Variants in HPCAL1 observed in about 807,000 individuals in gnomAD.
HPCAL1 encodes hippocalcin like 1.
In HPCAL1, 8 loss-of-function variants were observed where a neutral mutation model predicts 17.1. The ratio of observed to expected loss-of-function variants is 0.47; its 90% CI spans 0.27 to 0.84. The LOEUF is 0.84. HPCAL1 is among the 40% of genes least tolerant of loss of function. The probability of loss-of-function intolerance (pLI) is 0.13; values close to 1 mark genes in which losing one functional copy is unlikely to be tolerated. For missense variants in HPCAL1, 165 were observed against 271.1 expected (o/e 0.61, Z 2.75); for synonymous variants, 112 against 111.4 (o/e 1.01, Z -0.03).
chr2:10,369,371 T>C (rs1293333581), intron 1 of HPCAL1, among the ~76,000 whole-genome samples: 1 of 152,186 alleles, frequency 6.6e-6, no homozygotes, highest in Admixed American at 6.5e-5. Context: ...CCTTGAGGAA[T>C]TCTCTCGGGA....
At chr2:10,424,247 A>C (rs1333804449) in intron 4 of HPCAL1, 2 of 342,450 alleles carry the variant, frequency 5.8e-6, no homozygotes, top group African/African-American at 2.1e-5. Context: ...TGTAAGCAGC[A>C]AAGAGCATTC....
intron 1 of HPCAL1, among the ~76,000 whole-genome samples, chr2:10,321,577 T>C (rs1284617878): frequency 1.3e-5 from 2 of 152,164 alleles, no homozygotes; most frequent in Non-Finnish European, 2.9e-5. Context: ...CAGAACATTT[T>C]CATCACCCCA....
chr2:10,358,915 G>A (rs1236113766), intron 1 of HPCAL1, among the ~76,000 whole-genome samples: 1 of 152,140 alleles, frequency 6.6e-6, no homozygotes, highest in Non-Finnish European at 1.5e-5. Context: ...GCTGCCTACG[G>A]ATGGCAAACT....
intron 1 of HPCAL1, among the ~76,000 whole-genome samples, chr2:10,345,305 C>T (rs902707120): frequency 3.9e-5 from 6 of 152,108 alleles, no homozygotes; most frequent in Admixed American, 3.3e-4. Context: ...TGCGTTTTTG[C>T]CACTTGCTAG....
At chr2:10,372,052 T>C (rs1667245201) in intron 1 of HPCAL1, among the ~76,000 whole-genome samples, 1 of 152,266 alleles carries the variant, frequency 6.6e-6, no homozygotes, top group Admixed American at 6.5e-5. Context: ...ACAATGGTCA[T>C]CTTTGTCTTA....
At chr2:10,402,063 C>T (rs1327214650) in intron 2 of HPCAL1, among the ~76,000 whole-genome samples, 3 of 152,156 alleles carry the variant, frequency 2.0e-5, no homozygotes, top group Admixed American at 6.5e-5. Context: ...CCACGCCCGG[C>T]TAATTTTTGT....
At chr2:10,423,701 C>G (rs4392229) in intron 4 of HPCAL1, 80,058 of 152,594 alleles carry the variant, frequency 0.52, 21,461 homozygotes, top group East Asian at 0.66. Context: ...GGCGGCTGTG[C>G]GGCCCTCCCA....
chr2:10,388,286 C>T (rs974347412), intron 1 of HPCAL1, among the ~76,000 whole-genome samples: 1 of 152,214 alleles, frequency 6.6e-6, no homozygotes, highest in Non-Finnish European at 1.5e-5. Context: ...TTTTATCTTC[C>T]TCCTTCCAGA....
At chr2:10,418,110 T>A (rs901564976) in intron 2 of HPCAL1, among the ~76,000 whole-genome samples, 2 of 151,842 alleles carry the variant, frequency 1.3e-5, no homozygotes, top group Non-Finnish European at 2.9e-5. Context: ...AACAAAAACA[T>A]GTATGTACTA....
At chr2:10,370,860 T>A (rs1667161417) in intron 1 of HPCAL1, among the ~76,000 whole-genome samples, 1 of 152,184 alleles carries the variant, frequency 6.6e-6, no homozygotes, top group South Asian at 2.1e-4. Flanking sequence ...CTATCCTTCA[T>A]CCCCGTGGGG....
intron 1 of HPCAL1, among the ~76,000 whole-genome samples, chr2:10,390,954 G>A (rs540860462): frequency 2.0e-4 from 31 of 152,226 alleles, no homozygotes; most frequent in African/African-American, 7.2e-4. Flanking sequence ...AGGGCCTGGG[G>A]TCCGGCACCA....
intron 1 of HPCAL1, among the ~76,000 whole-genome samples, chr2:10,392,643 A>G (rs568227274): frequency 6.8e-6 from 1 of 147,520 alleles, no homozygotes; most frequent in Admixed American, 6.7e-5. Context: ...AGGTAGTACT[A>G]TTGTCATCTC....
chr2:10,399,399 A>G (rs1381804895), intron 2 of HPCAL1, among the ~76,000 whole-genome samples: 1 of 69,826 alleles, frequency 1.4e-5, no homozygotes, highest in Non-Finnish European at 3.0e-5. Flanking sequence ...CACCACCATC[A>G]CCACCACCAC....
chr2:10,423,208 C>T, intron 4 of HPCAL1, 120 bp downstream of exon 4: 1 of 736,030 alleles, frequency 1.4e-6, no homozygotes. Context: ...CCCCGCCCGC[C>T]ACCTGCCTGG....
At chr2:10,382,430 C>T (rs1177060692) in intron 1 of HPCAL1, among the ~76,000 whole-genome samples, 7 of 151,982 alleles carry the variant, frequency 4.6e-5, no homozygotes, top group African/African-American at 9.7e-5. Context: ...ATGTAACCTA[C>T]GGACTTGGGT....
At chr2:10,422,671 T>C (rs967726898) in intron 3 of HPCAL1, among the ~76,000 whole-genome samples, 3 of 151,960 alleles carry the variant, frequency 2.0e-5, no homozygotes, top group African/African-American at 4.8e-5. Flanking sequence ...TGACCACCAC[T>C]CTCCCTCAGC....
intron 2 of HPCAL1, among the ~76,000 whole-genome samples, chr2:10,397,754 G>A (rs1025478392): frequency 2.0e-5 from 3 of 152,184 alleles, no homozygotes; most frequent in African/African-American, 7.2e-5. Context: ...GCCTGGCCAT[G>A]TCCCGGGGCT....
At chr2:10,307,338 T>C (rs545851160) in intron 1 of HPCAL1, among the ~76,000 whole-genome samples, 1 of 152,296 alleles carries the variant, frequency 6.6e-6, no homozygotes, top group African/African-American at 2.4e-5. Flanking sequence ...TGTGTCCCCT[T>C]AGGCAAGTGA....
rs70948888 is a variant in HPCAL1, at chr2:10,384,016, T to TAC, written c.-110-12808_-110-12807dup. Among the ~76,000 whole-genome samples, 9 of 147,226 alleles carry TAC rather than the reference T, an allele frequency of 6.1e-5. No individual in the cohort carries two copies. The highest frequency in any genetic ancestry group is 3.5e-3 in the Middle Eastern group (1 of 286). On this transcript the variant is annotated intron_variant, in intron 1 of 4. Coordinates refer to ENST00000307845, the MANE Select transcript of HPCAL1 (RefSeq NM_002149.4). The surrounding 1 kb of genome is among the most constrained non-coding windows in gnomAD (Gnocchi z 4.4). ...TAATTACACATGCATATACATCGCGTACACACACACACCCACACACACACA... is the reference window on the plus strand; with the variant it reads ...TAATTACACATGCATATACATCGCGTACACACACACACACCCACACACACACA...
Sources: gnomAD v4.1 joint callset for allele counts (sites outside exome capture counted in the v4.1 genomes callset) on GRCh38, gnomAD v4.1.1 for gene constraint, Gnocchi (gnomAD v3.1) non-coding constraint, MANE v1.5 for transcripts, NCBI Gene and HGNC (gene_info 2026-07-23, HGNC 2026-07-21) for gene names.